BST2: variants seen among roughly 807,000 people sequenced by gnomAD.
BST2 encodes the protein bone marrow stromal cell antigen 2.
Under a neutral mutation model 18.6 loss-of-function variants are expected in BST2, and 10 were observed. The ratio of observed to expected loss-of-function variants is 0.54; its 90% CI spans 0.33 to 0.91. BST2 has a LOEUF of 0.91. Ranked by LOEUF, BST2 falls within the 40% of genes least tolerant of loss-of-function variation. The pLI, the probability that BST2 is intolerant of heterozygous loss-of-function variation, is 0.02. For synonymous variants in BST2, 75 were observed against 96.8 expected, an observed-to-expected ratio of 0.77 and a Z score of 1.32; for missense variants, 183 against 228.4, an observed-to-expected ratio of 0.80 and a Z score of 1.28.
At position 17,404,554 on chromosome 19, in the gene BST2, G is replaced by T. The variant is rs2074715154; in HGVS notation, c.286-117C>A. ...GGGCTTAAATGCAAACCCCTTTCAG[G>T]TTTTCTTCCAACCCTCTCTGCACCA... On this transcript the variant is annotated intron_variant, in intron 1 of 4. Coordinates refer to ENST00000252593, the MANE Select transcript of BST2 (RefSeq NM_004335.4). The T allele has an allele frequency of 4.0e-6, 6 of 1,483,118 alleles. No individual in the cohort carries two copies. In the Admixed American group the frequency reaches 7.6e-5, roughly 19 times the overall value. The allele number at this position is 1,483,118 out of a possible 1,614,324, so 91.9% of individuals were successfully genotyped here. A position where few individuals can be genotyped will look rare whatever the true frequency, so the allele number is the denominator to read the frequency against.
chr19:17,404,021 G>A (rs907990190), intron 3 of BST2, 108 bp downstream of exon 3: 11 of 1,388,002 alleles, frequency 7.9e-6, no homozygotes, highest in Non-Finnish European at 1.1e-5. Flanking sequence ...TTATCCCTTG[G>A]GGCAATGGGG....
intron 3 of BST2, 29 bp from the exon 4 acceptor site, chr19:17,403,853 T>TG: frequency 6.2e-7 from 1 of 1,603,478 alleles, no homozygotes; most frequent in South Asian, 1.1e-5. Flanking sequence ...ATCAGGCATC[T>TG]GCTCGTCCTG....
At chr19:17,404,218 G>C in intron 2 of BST2, 29 bp from the exon 3 acceptor site, 1 of 1,597,050 alleles carries the variant, frequency 6.3e-7, no homozygotes, top group Non-Finnish European at 8.5e-7. Context: ...AGAAACAGGG[G>C]GCGGGTCAGC....
intron 1 of BST2, 126 bp downstream of exon 1, chr19:17,405,165 C>G (rs988803058): frequency 2.8e-5 from 35 of 1,255,290 alleles, no homozygotes; most frequent in Non-Finnish European, 3.5e-5. Flanking sequence ...TGTGGGGGCC[C>G]AGGAGCAGTT....
chr19:17,404,477 T>C, intron 1 of BST2, 40 bp from the exon 2 acceptor site: 1 of 1,613,870 alleles, frequency 6.2e-7, no homozygotes, highest in South Asian at 1.1e-5. Context: ...CCTGGGGAGT[T>C]TGGCTGCTGC....
At chr19:17,404,930 C>T (rs1002947281) in intron 1 of BST2, among the ~76,000 whole-genome samples, 4 of 152,154 alleles carry the variant, frequency 2.6e-5, no homozygotes, top group African/African-American at 7.2e-5. Context: ...CCCCTTCAAC[C>T]CTGAATAGGG....
intron 1 of BST2, among the ~76,000 whole-genome samples, chr19:17,404,873 T>G (rs575899458): frequency 5.9e-5 from 9 of 152,138 alleles, no homozygotes; most frequent in Non-Finnish European, 1.3e-4. Context: ...TTCTTAGGGA[T>G]GAAGTGAAAA....
rs767676181 is a variant in BST2, at chr19:17,403,780, T to C, written c.458A>G (p.Tyr153Cys). The change falls in exon 4 of 5, where the codon TAC (tyrosine) becomes TGC (cysteine). Residue 153 changes from tyrosine to cysteine, a missense_variant. Tyr to Cys is a radical substitution (Grantham distance 194). Transcript: ENST00000252593. ...GCTGGAGTCCTGGGAGCTGGGGTAG[T>C]ACTTCTTGTCCGCGATTCTCACGCT... Reference protein sequence around the residue: ...VLSVRIADKKYYPSSQDSSSA... With the variant: ...VLSVRIADKKCYPSSQDSSSA... 5 of 1,614,014 alleles carry C rather than the reference T, an allele frequency of 3.1e-6. No homozygotes were observed. Among genetic ancestry groups the C allele is most frequent in the Middle Eastern group, 1.7e-4 (1 of 6,058 alleles).
intron 1 of BST2, 37 bp from the exon 2 acceptor site, chr19:17,404,474 A>T: frequency 6.2e-7 from 1 of 1,613,686 alleles, no homozygotes; most frequent in Admixed American, 1.7e-5. Flanking sequence ...TGGCCTGGGG[A>T]GTTTGGCTGC....
chr19:17,403,926 C>G, intron 3 of BST2, 102 bp from the exon 4 acceptor site: 1 of 1,480,288 alleles, frequency 6.8e-7, no homozygotes, highest in Non-Finnish European at 9.1e-7. Context: ...CGCCCCAATC[C>G]AAGTCACCGG....
chr19:17,405,403 C>T lies in BST2; in HGVS notation c.173G>A (p.Arg58Gln), dbSNP rs770004652. The change falls in exon 1 of 5, where the codon CGG becomes CAG. Residue 58 changes from arginine (R) to glutamine (Q), a missense_variant. Coordinates refer to ENST00000252593, the MANE Select transcript of BST2 (RefSeq NM_004335.4). ...ANSEACRDGL[R>Q]AVMECRNVTH... ...GACATTGCGACACTCCATCACTGCC[C>T]GAAGGCCGTCCCGGCAGGCCTCGCT... The T allele has an allele frequency of 8.1e-6, 13 of 1,614,200 alleles. No homozygotes were observed. The highest frequency in any genetic ancestry group is 1.3e-5 in the African/African-American group (1 of 75,046).
rs1804402 is a variant in BST2, at chr19:17,403,811, C to G, written c.427G>C (p.Val143Leu). The G allele has an allele frequency of 1.3e-6, 2 of 1,586,494 alleles. No homozygotes were observed. The highest frequency in any genetic ancestry group is 1.7e-6 in the Non-Finnish European group (2 of 1,171,026). The stretch of plus-strand genomic sequence containing the variant: ...TTGTCCGCGATTCTCACGCTTAAGA[C>G]CTGGTTTTCTCTTCTGCGGTACAGA... ...EVERLRRENQ[V>L]LSVRIADKKY... The change falls in exon 4 of 5, where the codon GTC becomes CTC. Residue 143 changes from valine (V) to leucine (L), a missense_variant. Coordinates refer to ENST00000252593, the MANE Select transcript of BST2 (RefSeq NM_004335.4).
chr19:17,403,873 G>GCCCT lies in BST2; in HGVS notation c.414-53_414-50dup, dbSNP rs762988607. The stretch of plus-strand genomic sequence containing the variant: ...GCATCTGCTCGTCCTGGCTCCTGCC[G>GCCCT]CCCTCCCTGTAAGCCCACCGCCCCC... On this transcript the variant is annotated intron_variant, in intron 3 of 4. Coordinates refer to ENST00000252593, the MANE Select transcript of BST2 (RefSeq NM_004335.4). The GCCCT allele has an allele frequency of 5.0e-6, 8 of 1,587,032 alleles. No individual in the cohort carries two copies. The South Asian group carries it at 8.0e-5, about 16-fold the overall frequency.
Position 17,405,396 on chromosome 19 carries a change from C to T in BST2, c.180G>A (p.Val60=), listed in dbSNP as rs1483135183. The T allele has an allele frequency of 6.2e-7, 1 of 1,614,270 alleles. No individual in the cohort carries two copies. ...SEACRDGLRA[V]MECRNVTHLL... is the part of the protein sequence containing the mutation. ...GATGGGTGACATTGCGACACTCCAT[C>T]ACTGCCCGAAGGCCGTCCCGGCAGG... Residue 60 remains valine, a synonymous_variant, in exon 1 of 5, where the codon GTG becomes GTA. Coordinates refer to ENST00000252593, the MANE Select transcript of BST2 (RefSeq NM_004335.4).
In BST2 at chr19:17,403,746, C is replaced by G; in HGVS notation, c.492G>C (p.Ala164=). 1 of 1,613,946 alleles carries G rather than the reference C, an allele frequency of 6.2e-7. No individual in the cohort carries two copies. ...GCAGCACAATCAGCAGCTGGGGCGC[C>G]GCAGCGGAGCTGGAGTCCTGGGAGC... ...YPSSQDSSSA[A]APQLLIVLLG... is the part of the protein sequence containing the mutation. The change falls in exon 4 of 5, where the codon GCG becomes GCC. Residue 164 remains alanine (A), a synonymous_variant. Coordinates refer to ENST00000252593, the MANE Select transcript of BST2 (RefSeq NM_004335.4).
chr19:17,403,454 A>T (rs1187759180), intron 4 of BST2, 128 bp from the exon 5 acceptor site: 1 of 387,674 alleles, frequency 2.6e-6, no homozygotes, highest in African/African-American at 1.1e-4. Flanking sequence ...CCTCCCCTCC[A>T]TCGATAGACC....
At chr19:17,405,182 C>A in intron 1 of BST2, 109 bp downstream of exon 1, 1 of 1,371,482 alleles carries the variant, frequency 7.3e-7, no homozygotes, top group Non-Finnish European at 9.7e-7. Context: ...AGTTTCAGGA[C>A]CTCCCCTGCA....
Position 17,403,726 on chromosome 19 carries a change from A to G in BST2, c.512T>C (p.Val171Ala), listed in dbSNP as rs776056920. Residue 171 changes from valine (V) to alanine (A), a missense_variant, in exon 4 of 5, where the codon GTG becomes GCG. Coordinates refer to ENST00000252593, the MANE Select transcript of BST2 (RefSeq NM_004335.4). ...SSAAAPQLLI[V>A]LLGLSALLQ ...CAGCAGAGCGCTGAGGCCCAGCAGC[A>G]CAATCAGCAGCTGGGGCGCCGCAGC... The G allele has an allele frequency of 5.6e-6, 9 of 1,613,196 alleles. No individual in the cohort carries two copies. Among genetic ancestry groups the G allele is most frequent in the African/African-American group, 4.0e-5 (3 of 74,676 alleles).
intron 2 of BST2, 24 bp from the exon 3 acceptor site, chr19:17,404,213 C>G: frequency 6.3e-7 from 1 of 1,599,692 alleles, no homozygotes; most frequent in Non-Finnish European, 8.5e-7. Flanking sequence ...AGGACAGAAA[C>G]AGGGGGCGGG....
Sources: allele counts gnomAD v4.1 joint callset (sites outside exome capture counted in the v4.1 genomes callset), GRCh38; gene constraint gnomAD v4.1.1; transcripts MANE v1.5; gene names NCBI Gene and HGNC (gene_info 2026-07-23, HGNC 2026-07-21).